CDH2: variants seen among roughly 807,000 people sequenced by gnomAD.
The protein encoded by CDH2 is cadherin-2.
Under a neutral mutation model 92.0 loss-of-function variants are expected in CDH2, and 17 were observed. The ratio of observed to expected loss-of-function variants is 0.18; its 90% CI spans 0.13 to 0.28. The LOEUF is 0.28. Ranked by LOEUF, CDH2 falls within the 10% of genes least tolerant of loss-of-function variation. CDH2 has a pLI of 1.00. For missense variants in CDH2, 862 were observed against 1,133.1 expected (o/e 0.76, Z 3.44); for synonymous variants, 419 against 415.9 (o/e 1.01, Z -0.09).
At chr18:28,045,180 C>G (rs2014049534) in intron 2 of CDH2, among the ~76,000 whole-genome samples, 1 of 152,148 alleles carries the variant, frequency 6.6e-6, no homozygotes, top group Admixed American at 6.5e-5. Context: ...GCCCTCTAGA[C>G]TTTACCTCTA....
chr18:28,170,092 T>C (rs1262802882), intron 1 of CDH2, among the ~76,000 whole-genome samples: 1 of 152,254 alleles, frequency 6.6e-6, no homozygotes, highest in Non-Finnish European at 1.5e-5. Flanking sequence ...GATGTCAGCA[T>C]GGAAACGTAT....
intron 2 of CDH2, among the ~76,000 whole-genome samples, chr18:28,015,356 T>C (rs577213353): frequency 2.0e-5 from 3 of 152,296 alleles, no homozygotes; most frequent in Admixed American, 2.0e-4. Flanking sequence ...TCAAACTAAA[T>C]GATGTTAAGT....
intron 10 of CDH2, 134 bp downstream of exon 10, chr18:27,989,963 G>T (rs750457326): frequency 3.6e-5 from 26 of 719,864 alleles, no homozygotes; most frequent in Non-Finnish European, 5.3e-5. Flanking sequence ...AAAATTCAAA[G>T]AATTTTAAAT....
chr18:28,006,042 G>A (rs1373589124), intron 5 of CDH2, 49 bp from the exon 6 acceptor site: 1 of 1,427,616 alleles, frequency 7.0e-7, no homozygotes, highest in Admixed American at 1.7e-5. Context: ...ATGTCTGTGA[G>A]AAGATAAATA....
At chr18:28,147,066 A>G (rs2016046542) in intron 2 of CDH2, among the ~76,000 whole-genome samples, 1 of 152,114 alleles carries the variant, frequency 6.6e-6, no homozygotes, top group African/African-American at 2.4e-5. Context: ...GATAACTATA[A>G]TGAACTTGAT....
chr18:28,000,257 C>A (rs1390491012), intron 7 of CDH2, among the ~76,000 whole-genome samples: 1 of 152,120 alleles, frequency 6.6e-6, no homozygotes, highest in Non-Finnish European at 1.5e-5. Flanking sequence ...TGCACACCAC[C>A]ATGCCAGCTA....
Position 27,985,632 on chromosome 18 carries a change from G to A in CDH2, c.1871C>T (p.Thr624Ile). The A allele has an allele frequency of 6.2e-7, 1 of 1,613,824 alleles. No individual in the cohort carries two copies. Among genetic ancestry groups the A allele is most frequent in the Non-Finnish European group, 8.5e-7 (1 of 1,179,694 alleles). ...TGGATCAATGTCATAATCAAGTGCT[G>A]TAATATTAATTGAATTGGGGTCTGG... ...ETPDPNSINI[T>I]ALDYDIDPNA... The change falls in exon 12 of 16, where the codon ACA (threonine) becomes ATA (isoleucine). Residue 624 changes from threonine to isoleucine, a missense_variant. Coordinates refer to ENST00000269141, the MANE Select transcript of CDH2 (RefSeq NM_001792.5).
At chr18:28,047,868 C>CAAAAAAAAAAAAAAAAAAAAAAAAAAA in intron 2 of CDH2, among the ~76,000 whole-genome samples, 1 of 46,950 alleles carries the variant, frequency 2.1e-5, no homozygotes, top group Non-Finnish European at 3.8e-5. Flanking sequence ...GACTCCATCT[C>CAAAAAAAAAAAAAAAAAAAAAAAAAAA]AAAAAAAAAA....
chr18:28,035,159 A>G (rs539103055), intron 2 of CDH2, among the ~76,000 whole-genome samples: 2 of 152,184 alleles, frequency 1.3e-5, no homozygotes, highest in East Asian at 3.9e-4. Context: ...TTAACTTTAC[A>G]TGACATACTT....
chr18:28,148,263 C>T (rs1167307828), intron 1 of CDH2, among the ~76,000 whole-genome samples: 2 of 152,110 alleles, frequency 1.3e-5, no homozygotes, highest in African/African-American at 4.8e-5. Flanking sequence ...TTATAATATA[C>T]TTACAACAGT....
At chr18:28,161,360 C>A (rs1028483728) in intron 1 of CDH2, among the ~76,000 whole-genome samples, 5 of 152,052 alleles carry the variant, frequency 3.3e-5, no homozygotes, top group Admixed American at 3.3e-4. Context: ...GGGCATATCA[C>A]CTAAGGTCAG....
At chr18:28,152,854 A>C (rs2144336801) in intron 1 of CDH2, among the ~76,000 whole-genome samples, 1 of 152,296 alleles carries the variant, frequency 6.6e-6, no homozygotes, top group South Asian at 2.1e-4. Context: ...CAGGGGCTGC[A>C]AGGAATGAAA....
chr18:28,140,106 T>C (rs1282867590), intron 2 of CDH2, among the ~76,000 whole-genome samples: 1 of 151,972 alleles, frequency 6.6e-6, no homozygotes, highest in African/African-American at 2.4e-5. Context: ...TCTTCAAACA[T>C]ATTCAGAGAA....
chr18:28,041,893 T>C (rs1440366539), intron 2 of CDH2, among the ~76,000 whole-genome samples: 1 of 152,174 alleles, frequency 6.6e-6, no homozygotes, highest in Non-Finnish European at 1.5e-5. Flanking sequence ...AATTTTACCC[T>C]GATTTCATTT....
chr18:28,000,936 C>CA (rs747878679), intron 7 of CDH2, among the ~76,000 whole-genome samples: 8 of 151,992 alleles, frequency 5.3e-5, no homozygotes, highest in Non-Finnish European at 8.8e-5. Context: ...CTGAAAAAGT[C>CA]AAAGTAATTT....
chr18:28,103,937 A>G (rs2015279184), intron 2 of CDH2, among the ~76,000 whole-genome samples: 1 of 152,094 alleles, frequency 6.6e-6, no homozygotes, highest in Admixed American at 6.6e-5. Context: ...TTTTGGTTCT[A>G]CAATAGAAAA....
chr18:28,054,096 T>C (rs1400546840), intron 2 of CDH2, among the ~76,000 whole-genome samples: 1 of 152,002 alleles, frequency 6.6e-6, no homozygotes, highest in Non-Finnish European at 1.5e-5. Context: ...CTGGATCCTG[T>C]AGGGAGGAGT....
At chr18:27,970,653 G>A (rs2011633518) in intron 14 of CDH2, among the ~76,000 whole-genome samples, 1 of 152,102 alleles carries the variant, frequency 6.6e-6, no homozygotes, top group Non-Finnish European at 1.5e-5. Flanking sequence ...AACTTCCCAT[G>A]CTAACCTTAA....
intron 1 of CDH2, chr18:28,168,503 T>A (rs2016418264): frequency 6.1e-6 from 1 of 163,768 alleles, no homozygotes; most frequent in South Asian, 2.0e-4. Flanking sequence ...AAAAAGAGTT[T>A]CAAAAAAAAT....
Sources: gnomAD v4.1 joint callset for allele counts (sites outside exome capture counted in the v4.1 genomes callset) on GRCh38, gnomAD v4.1.1 for gene constraint, MANE v1.5 for transcripts, NCBI Gene and HGNC (gene_info 2026-07-23, HGNC 2026-07-21) for gene names.